RHOU: variants seen among roughly 807,000 people sequenced by gnomAD.
RHOU encodes rho-related GTP-binding protein RhoU.
Under a neutral mutation model 12.6 loss-of-function variants are expected in RHOU, and 8 were observed. The observed-to-expected ratio is 0.64, with a 90% CI of 0.37 to 1.15. The LOEUF is 1.15. RHOU is among the 50% of genes most tolerant of loss of function. RHOU has a pLI of 0.01. For synonymous variants in RHOU, 161 were observed against 147.4 expected (o/e 1.09, Z -0.67); for missense variants, 258 against 347.0 (o/e 0.74, Z 2.04).
chr1:228,714,352 T>C, the RHOU span, among the ~76,000 whole-genome samples: 1 of 152,236 alleles, frequency 6.6e-6, no homozygotes, highest in Non-Finnish European at 1.5e-5. Flanking sequence ...ACAAAAATAA[T>C]TAGGAAAATA....
the RHOU span, chr1:228,650,819 C>G: frequency 2.4e-6 from 1 of 425,522 alleles, no homozygotes; most frequent in Admixed American, 3.1e-5. Context: ...GTGCAAGTTC[C>G]TCATCAAGCT....
chr1:228,656,565 A>T, the RHOU span, among the ~76,000 whole-genome samples: 6 of 151,242 alleles, frequency 4.0e-5, no homozygotes, highest in African/African-American at 1.2e-4. Context: ...ATGGAGCTTT[A>T]AAAAAAAAGA....
chr1:228,702,794 C>CATATAGAT, the RHOU span, among the ~76,000 whole-genome samples: 1 of 152,190 alleles, frequency 6.6e-6, no homozygotes, highest in Admixed American at 6.5e-5. Flanking sequence ...ATCACATACA[C>CATATAGAT]ATATAGACAT....
chr1:228,706,665 G>A, the RHOU span, among the ~76,000 whole-genome samples: 1 of 151,900 alleles, frequency 6.6e-6, no homozygotes, highest in Non-Finnish European at 1.5e-5. Context: ...CGTGTTTTTT[G>A]GTTTAATTCC....
At chr1:228,648,851 C>CCTCT in the RHOU span, among the ~76,000 whole-genome samples, 569 of 141,116 alleles carry the variant, frequency 4.0e-3, 6 homozygotes, top group African/African-American at 0.014. Flanking sequence ...TCTTTCTCTT[C>CCTCT]CTCTCTCTCT....
At chr1:228,720,917 T>G in the RHOU span, among the ~76,000 whole-genome samples, 17 of 152,264 alleles carry the variant, frequency 1.1e-4, no homozygotes, top group East Asian at 3.3e-3. Flanking sequence ...ACCAGCGCTT[T>G]CCCCTAAAGA....
chr1:228,710,173 T>G, the RHOU span, among the ~76,000 whole-genome samples: 1 of 152,100 alleles, frequency 6.6e-6, no homozygotes. Context: ...AATCAATAGC[T>G]TACCAACCAA....
At chr1:228,724,635 G>T in the RHOU span, among the ~76,000 whole-genome samples, 1 of 152,078 alleles carries the variant, frequency 6.6e-6, no homozygotes, top group Non-Finnish European at 1.5e-5. Flanking sequence ...ACATTTAAGA[G>T]CTACTCTTTT....
chr1:228,667,476 A>C, the RHOU span, among the ~76,000 whole-genome samples: 4 of 152,190 alleles, frequency 2.6e-5, no homozygotes, highest in African/African-American at 9.7e-5. Context: ...ACACACTTGC[A>C]TCCACGCCAG....
chr1:228,650,360 C>A, the RHOU span: 1 of 460,938 alleles, frequency 2.2e-6, no homozygotes, highest in South Asian at 1.5e-5. Context: ...TTGAGCGTGC[C>A]TGGCTCACTC....
the RHOU span, among the ~76,000 whole-genome samples, chr1:228,666,290 AT>A: frequency 0.012 from 1,855 of 152,152 alleles, 16 homozygotes; most frequent in Middle Eastern, 0.037. Context: ...AATTTATTTT[AT>A]TTTTTCCTAA....
the RHOU span, among the ~76,000 whole-genome samples, chr1:228,706,403 A>G: frequency 1.3e-5 from 2 of 152,242 alleles, no homozygotes; most frequent in African/African-American, 4.8e-5. Flanking sequence ...TTATGGACAG[A>G]AAAAGGAAAG....
At chr1:228,734,870 T>C (rs754529476), upstream of RHOU, among the ~76,000 whole-genome samples, 1 of 152,182 alleles carries the variant, frequency 6.6e-6, no homozygotes, top group Non-Finnish European at 1.5e-5. Flanking sequence ...AGCATACATG[T>C]ATAAAGGTTC....
the RHOU span, among the ~76,000 whole-genome samples, chr1:228,719,239 C>T: frequency 0.026 from 3,922 of 152,266 alleles, 175 homozygotes; most frequent in African/African-American, 0.089. Flanking sequence ...TTCATCAATC[C>T]ATGCATTCAT....
At chr1:228,685,125 T>C in the RHOU span, among the ~76,000 whole-genome samples, 37 of 152,316 alleles carry the variant, frequency 2.4e-4, no homozygotes, top group African/African-American at 8.7e-4. Context: ...ATGGTGCTGG[T>C]AGGAGCGTAG....
rs753006692 is a variant in RHOU at position 228,737,491 on chromosome 1, G to A, written c.263-182G>A. Reference sequence around the variant, plus strand: ...TAATGGAGTGACTTGCCAGCCGTGGGTTTGTATACAAAAATGCCTCCACAG... The same window carrying A: ...TAATGGAGTGACTTGCCAGCCGTGGATTTGTATACAAAAATGCCTCCACAG... On this transcript the variant is annotated intron_variant, in intron 1 of 2. Coordinates refer to ENST00000366691, the MANE Select transcript of RHOU (RefSeq NM_021205.6). This position sits in a 1 kb window ranked among gnomAD's most constrained non-coding sequence, Gnocchi z 4.1. Among the ~76,000 whole-genome samples the A allele has an allele frequency of 6.6e-6, 1 of 152,164 alleles. No individual in the cohort carries two copies. Among genetic ancestry groups the A allele is most frequent in the Admixed American group, 6.5e-5 (1 of 15,274 alleles).
chr1:228,699,542 T>C, the RHOU span, among the ~76,000 whole-genome samples: 1 of 147,298 alleles, frequency 6.8e-6, no homozygotes, highest in Admixed American at 6.8e-5. Flanking sequence ...ATTAGAAGCA[T>C]AGGCCTTCAA....
upstream of RHOU, among the ~76,000 whole-genome samples, chr1:228,731,790 G>C (rs1379522247): frequency 2.6e-5 from 4 of 151,944 alleles, no homozygotes; most frequent in African/African-American, 7.3e-5. Flanking sequence ...GGGTAGGTAG[G>C]GGGGATGAAT....
At chr1:228,647,258 T>TGC in the RHOU span, among the ~76,000 whole-genome samples, 2 of 152,178 alleles carry the variant, frequency 1.3e-5, no homozygotes, top group Non-Finnish European at 2.9e-5. Context: ...TAGGCTCCAT[T>TGC]CTTTCTTGGC....
Sources: gnomAD v4.1 joint callset for allele counts (sites outside exome capture counted in the v4.1 genomes callset) on GRCh38, gnomAD v4.1.1 for gene constraint, Gnocchi (gnomAD v3.1) non-coding constraint, MANE v1.5 for transcripts, NCBI Gene and HGNC (gene_info 2026-07-23, HGNC 2026-07-21) for gene names.